SPAG16: variants seen among roughly 807,000 people sequenced by gnomAD.
SPAG16 encodes sperm-associated antigen 16 protein.
SPAG16 carries 86 observed loss-of-function variants against 80.4 expected under a neutral mutation model. The observed-to-expected ratio is 1.07, with a 90% CI of 0.90 to 1.28. The LOEUF (loss-of-function observed/expected upper bound fraction) is 1.28. Among genes scored for constraint, SPAG16 ranks in the 50% most tolerant of loss-of-function variants. The pLI is 0.00. For synonymous variants in SPAG16, 294 were observed against 265.9 expected (o/e 1.11, Z -1.03); for missense variants, 870 against 765.3 (o/e 1.14, Z -1.61).
At chr2:213,595,081 T>A (rs957813903) in intron 10 of SPAG16, among the ~76,000 whole-genome samples, 3 of 151,952 alleles carry the variant, frequency 2.0e-5, no homozygotes, top group Non-Finnish European at 4.4e-5. Context: ...TCAATAGGTA[T>A]ACTAGATAAG....
chr2:213,442,807 A>G (rs13385313), intron 9 of SPAG16, among the ~76,000 whole-genome samples: 3,904 of 152,120 alleles, frequency 0.026, 164 homozygotes, highest in African/African-American at 0.088. Context: ...AAACTATGAA[A>G]CTCCTAGAAT....
intron 10 of SPAG16, among the ~76,000 whole-genome samples, chr2:213,674,826 A>G (rs1287697345): frequency 6.7e-6 from 1 of 150,166 alleles, no homozygotes; most frequent in East Asian, 1.9e-4. Flanking sequence ...GCTATTGTGA[A>G]TAGTGCCGCG....
intron 10 of SPAG16, among the ~76,000 whole-genome samples, chr2:213,773,001 A>G (rs1277731430): frequency 2.0e-5 from 3 of 149,952 alleles, no homozygotes; most frequent in Admixed American, 6.6e-5. Context: ...TTTTTTTTCA[A>G]TTTTTTCATT....
At chr2:213,819,142 A>C (rs2125688657) in intron 10 of SPAG16, among the ~76,000 whole-genome samples, 1 of 152,324 alleles carries the variant, frequency 6.6e-6, no homozygotes, top group East Asian at 1.9e-4. Flanking sequence ...AAATGTGTAG[A>C]GATATTGAAT....
chr2:214,007,762 G>C (rs1222104138), intron 12 of SPAG16, among the ~76,000 whole-genome samples: 3 of 151,982 alleles, frequency 2.0e-5, no homozygotes, highest in Non-Finnish European at 4.4e-5. Context: ...TTTGTTTTAT[G>C]TTTTGCTTTT....
intron 9 of SPAG16, among the ~76,000 whole-genome samples, chr2:213,481,735 A>C (rs1247661466): frequency 6.6e-6 from 1 of 152,234 alleles, no homozygotes; most frequent in African/African-American, 2.4e-5. Flanking sequence ...GGCACTGTGC[A>C]TAGTGAACAG....
In SPAG16 at chr2:214,410,303, A is replaced by C. The variant is rs746011924; in HGVS notation, c.1884A>C (p.Arg628=). 3.1e-6 allele frequency: 5 copies of C among 1,598,276 alleles called. No homozygotes were observed. Among genetic ancestry groups the C allele is most frequent in the Non-Finnish European group, 4.3e-6 (5 of 1,166,910 alleles). ...LFSGGSDGTV[R]TWS ...CTGGAGGCTCTGACGGCACAGTTCG[A>C]ACGTGGTCTTGACCGTCAGCACATC... The change falls in exon 16 of 16, where the codon CGA becomes CGC. Residue 628 remains arginine (R), a synonymous_variant. Transcript: ENST00000331683.
intron 10 of SPAG16, among the ~76,000 whole-genome samples, chr2:213,795,752 A>T (rs2070985121): frequency 6.6e-6 from 1 of 152,134 alleles, no homozygotes; most frequent in South Asian, 2.1e-4. Context: ...GTTGTTTAAA[A>T]GTGTGTAGCA....
chr2:214,146,484 A>C (rs934913703), intron 14 of SPAG16, among the ~76,000 whole-genome samples: 1 of 152,156 alleles, frequency 6.6e-6, no homozygotes, highest in Non-Finnish European at 1.5e-5. Context: ...ACTGCTTTGG[A>C]AGGACTTGGA....
At position 214,111,518 on chromosome 2, in the gene SPAG16, C is replaced by G. The variant is rs571015319; in HGVS notation, c.1593+3257C>G. On this transcript the variant is annotated intron_variant, in intron 14 of 15. Coordinates refer to ENST00000331683, the MANE Select transcript of SPAG16 (RefSeq NM_024532.5). ...TCTGTTTTGATACTAGTACCATGCT[C>G]TGTTGGTTACTGTAGCCTTGTAGTA... 2.6e-5 allele frequency among the ~76,000 whole-genome samples: 4 copies of G among 152,140 alleles called. 1 individual carries two copies. The highest frequency in any genetic ancestry group is 7.2e-5 in the African/African-American group (3 of 41,528).
intron 15 of SPAG16, among the ~76,000 whole-genome samples, chr2:214,156,206 C>T (rs1377949609): frequency 1.3e-5 from 2 of 152,280 alleles, no homozygotes; most frequent in East Asian, 3.9e-4. Context: ...TTCCAGGTTT[C>T]TGATAGGTCT....
chr2:213,365,607 G>C (rs1575379668), intron 8 of SPAG16, among the ~76,000 whole-genome samples: 1 of 151,472 alleles, frequency 6.6e-6, no homozygotes, highest in South Asian at 2.1e-4. Context: ...ACAGGCATGT[G>C]CCACCATGAC....
At chr2:214,399,415 A>C (rs1315290733) in intron 15 of SPAG16, among the ~76,000 whole-genome samples, 1 of 152,114 alleles carries the variant, frequency 6.6e-6, no homozygotes, top group Non-Finnish European at 1.5e-5. Context: ...GGAAAGGATG[A>C]AGTTCTAAAA....
At chr2:213,383,521 T>C (rs2067281804) in intron 9 of SPAG16, among the ~76,000 whole-genome samples, 1 of 152,180 alleles carries the variant, frequency 6.6e-6, no homozygotes, top group Non-Finnish European at 1.5e-5. Flanking sequence ...TGAATGATGA[T>C]ATACACTCCA....
At chr2:214,012,448 G>GCCA (rs2047360416) in intron 12 of SPAG16, among the ~76,000 whole-genome samples, 1 of 150,362 alleles carries the variant, frequency 6.7e-6, no homozygotes, top group Non-Finnish European at 1.5e-5. Context: ...GGCATATGCC[G>GCCA]CCACGTCAGG....
At chr2:214,346,889 T>G (rs1481655857) in intron 15 of SPAG16, among the ~76,000 whole-genome samples, 1 of 152,178 alleles carries the variant, frequency 6.6e-6, no homozygotes, top group Non-Finnish European at 1.5e-5. Flanking sequence ...AATGGAAGAA[T>G]CATCTATCCA....
In SPAG16 at chr2:214,272,044, T is replaced by A. The variant is rs116239153; in HGVS notation, c.1720+122778T>A. Among the ~76,000 whole-genome samples the A allele has an allele frequency of 5.0e-3, 763 of 152,248 alleles. 5 individuals carry two copies. Among genetic ancestry groups the A allele is most frequent in the African/African-American group, 0.017 (722 of 41,568 alleles). Reference sequence around the variant, plus strand: ...AATTTGTGATCTTAATATACAGTACTATAATATTGACAACATTTCATTAAA... The same window carrying A: ...AATTTGTGATCTTAATATACAGTACAATAATATTGACAACATTTCATTAAA... On this transcript the variant is annotated intron_variant, in intron 15 of 15. Coordinates refer to ENST00000331683, the MANE Select transcript of SPAG16 (RefSeq NM_024532.5).
chr2:213,423,192 C>T (rs1250253045), intron 9 of SPAG16, among the ~76,000 whole-genome samples: 1 of 152,224 alleles, frequency 6.6e-6, no homozygotes, highest in Non-Finnish European at 1.5e-5. Context: ...TGATCCAGTA[C>T]ATTCTTGCTA....
chr2:214,298,090 A>G (rs1009720739), intron 15 of SPAG16, among the ~76,000 whole-genome samples: 1 of 146,302 alleles, frequency 6.8e-6, no homozygotes, highest in Non-Finnish European at 1.5e-5. Context: ...ATATATATAT[A>G]TATGTATGCA....
Sources: allele counts gnomAD v4.1 joint callset (sites outside exome capture counted in the v4.1 genomes callset), GRCh38; gene constraint gnomAD v4.1.1; transcripts MANE v1.5; gene names NCBI Gene and HGNC (gene_info 2026-07-23, HGNC 2026-07-21).